The following DPP9 variants were observed in gnomAD, a reference collection of about 807,000 sequenced individuals.
The protein encoded by DPP9 is dipeptidyl peptidase IV-related protein-2.
A neutral mutation model predicts 110.7 loss-of-function variants in DPP9; 50 were observed. The observed-to-expected ratio is 0.45, with a 90% confidence interval of 0.36 to 0.57. The LOEUF is 0.57. DPP9 is among the 20% of genes least tolerant of loss of function. The pLI is 0.00. For missense variants in DPP9, 1,022 were observed against 1,217.9 expected, an observed-to-expected ratio of 0.84 and a Z score of 2.39; for synonymous variants, 561 against 514.4, an observed-to-expected ratio of 1.09 and a Z score of -1.23.
At chr19:4,713,373 A>G (rs1158696956) in intron 4 of DPP9, among the ~76,000 whole-genome samples, 1 of 152,228 alleles carries the variant, frequency 6.6e-6, no homozygotes. Flanking sequence ...TGGCTGCAGA[A>G]GCTGCTGGAG....
Position 4,722,518 on chromosome 19 carries a change from G to T in DPP9, c.-55C>A, listed in dbSNP as rs986063952. 2 of 703,110 alleles carry T rather than the reference G, an allele frequency of 2.8e-6. No individual in the cohort carries two copies. Among genetic ancestry groups the T allele is most frequent in the Non-Finnish European group, 5.2e-6 (2 of 385,012 alleles). The allele number at this position is 703,110 out of a possible 1,614,324, so 43.6% of individuals were successfully genotyped here. ...ACTGACCTTCTAAAGGGTCCAGAGA[G>T]CCTCCATTCCAGCTGCAGGCGTGGG... On this transcript the variant is annotated 5_prime_UTR_variant, in exon 2 of 22. Coordinates refer to ENST00000262960, the MANE Select transcript of DPP9 (RefSeq NM_139159.5).
At chr19:4,720,165 A>C (rs1352946453) in intron 2 of DPP9, among the ~76,000 whole-genome samples, 1 of 152,152 alleles carries the variant, frequency 6.6e-6, no homozygotes, top group Non-Finnish European at 1.5e-5. Context: ...TCTCAACAGG[A>C]GGTTCCTTTC....
intron 9 of DPP9, among the ~76,000 whole-genome samples, chr19:4,701,098 C>T (rs1399267826): frequency 2.0e-5 from 3 of 152,152 alleles, no homozygotes; most frequent in Non-Finnish European, 2.9e-5. Context: ...AAACCCAAGG[C>T]CTGAACGCGG....
chr19:4,685,308 G>C lies in DPP9; in HGVS notation c.2031+318C>G. The stretch of plus-strand genomic sequence containing the variant: ...CTTTTGACCCCTGCTCCAGGAATTG[G>C]GCCCAGGGCCCATGGCCACCTCCAT... On this transcript the variant is annotated intron_variant, in intron 17 of 21. Coordinates refer to ENST00000262960, the MANE Select transcript of DPP9 (RefSeq NM_139159.5). This position sits in a 1 kb window ranked among gnomAD's most constrained non-coding sequence, Gnocchi z 5.8. The C allele has an allele frequency of 1.8e-6, 1 of 571,078 alleles. No homozygotes were observed. The highest frequency in any genetic ancestry group is 3.3e-6 in the Non-Finnish European group (1 of 300,822). 35.4% of individuals were successfully genotyped at this position (571,078 alleles called of 1,614,324 possible).
At chr19:4,719,795 A>T in intron 3 of DPP9, 56 bp downstream of exon 3, 1 of 1,543,062 alleles carries the variant, frequency 6.5e-7, no homozygotes, top group Middle Eastern at 1.7e-4. Flanking sequence ...ACTGTTGGGG[A>T]ATTCCAGAAG....
In DPP9 at chr19:4,685,190, G is replaced by T. The variant is rs1333857716; in HGVS notation, c.2032-381C>A. ...ACTCGCAGTGGTGATGAACCACAAA[G>T]TACCCAGACATCGCCCCGTATCCTC... On this transcript the variant is annotated intron_variant, in intron 17 of 21. Coordinates refer to ENST00000262960, the MANE Select transcript of DPP9 (RefSeq NM_139159.5). This position sits in a 1 kb window ranked among gnomAD's most constrained non-coding sequence, Gnocchi z 5.8. 1.9e-6 allele frequency: 1 copy of T among 528,212 alleles called. No individual in the cohort carries two copies. The allele number at this position is 528,212 out of a possible 1,614,324, so 32.7% of individuals were successfully genotyped here.
chr19:4,697,395 T>G (rs1038125727), intron 11 of DPP9, among the ~76,000 whole-genome samples, 156 bp downstream of exon 11: 1 of 152,212 alleles, frequency 6.6e-6, no homozygotes, highest in African/African-American at 2.4e-5. Context: ...GAGGGCCCTT[T>G]GGACACTGGT....
intron 3 of DPP9, among the ~76,000 whole-genome samples, chr19:4,716,404 A>G (rs1366778497): frequency 9.2e-5 from 14 of 152,256 alleles, no homozygotes; most frequent in Non-Finnish European, 1.5e-4. Flanking sequence ...TCGGGAGGCC[A>G]AGGCAGGAGG....
chr19:4,694,531 C>T lies in DPP9; in HGVS notation c.1516+130G>A. On this transcript the variant is annotated intron_variant, in intron 13 of 21. Transcript: ENST00000262960. This position sits in a 1 kb window ranked among gnomAD's most constrained non-coding sequence, Gnocchi z 4.0. ...GCAGTCACTGGGGAAGGCTGGCTTC[C>T]TGCCGATCCCTGTTCCTTCTCCCGC... The T allele has an allele frequency of 1.6e-6, 2 of 1,223,532 alleles. No individual in the cohort carries two copies. 75.8% of individuals were successfully genotyped at this position (1,223,532 alleles called of 1,614,324 possible).
chr19:4,683,911 C>G lies in DPP9; in HGVS notation c.2179-282G>C, dbSNP rs1038999744. Reference sequence around the variant, plus strand: ...CCCATCCCTAATAAAGGGACATTAACAGGAAGAGGACCCATTTTCTAGAGG... The same window carrying G: ...CCCATCCCTAATAAAGGGACATTAAGAGGAAGAGGACCCATTTTCTAGAGG... On this transcript the variant is annotated intron_variant, in intron 18 of 21. Transcript: ENST00000262960. 4 of 1,190,070 alleles carry G rather than the reference C, an allele frequency of 3.4e-6. No individual in the cohort carries two copies. In the African/African-American group the frequency reaches 6.1e-5, roughly 18 times the overall value. 73.7% of individuals were successfully genotyped at this position (1,190,070 alleles called of 1,614,324 possible). A position where few individuals can be genotyped will look rare whatever the true frequency, so the allele number is the denominator to read the frequency against.
chr19:4,713,900 C>T (rs891842761), intron 4 of DPP9, among the ~76,000 whole-genome samples, 181 bp downstream of exon 4: 2 of 152,184 alleles, frequency 1.3e-5, no homozygotes, highest in East Asian at 1.9e-4. Context: ...CCACCCACCC[C>T]GCGGCAGCCC....
chr19:4,679,754 A>C, intron 21 of DPP9, 81 bp downstream of exon 21: 1 of 1,108,958 alleles, frequency 9.0e-7, no homozygotes, highest in Non-Finnish European at 1.3e-6. Context: ...CACAGTGGGA[A>C]GCCACCCCGC....
intron 7 of DPP9, among the ~76,000 whole-genome samples, chr19:4,703,625 C>T (rs1437252402): frequency 2.0e-5 from 3 of 150,776 alleles, no homozygotes; most frequent in South Asian, 2.1e-4. Context: ...CTCCCGCCTG[C>T]GCTCCCGCCT....
intron 21 of DPP9, chr19:4,679,564 C>T (rs1389699984): frequency 1.9e-5 from 9 of 472,954 alleles, no homozygotes; most frequent in Admixed American, 7.1e-5. Flanking sequence ...CTCCATTAGG[C>T]CCGGAGCAGG....
chr19:4,683,092 C>G, intron 19 of DPP9: 2 of 1,486,398 alleles, frequency 1.3e-6, no homozygotes, highest in Non-Finnish European at 1.8e-6. Context: ...GGTCCCACTG[C>G]CCGTCTGCCT....
chr19:4,714,633 C>A (rs917300925), intron 3 of DPP9, among the ~76,000 whole-genome samples: 1 of 152,150 alleles, frequency 6.6e-6, no homozygotes, highest in Non-Finnish European at 1.5e-5. Flanking sequence ...CACAAGCAAT[C>A]CTCCTGCGTC....
In DPP9 at chr19:4,694,575, G is replaced by A. The variant is rs569998300; in HGVS notation, c.1516+86C>T. On this transcript the variant is annotated intron_variant, in intron 13 of 21. Transcript: ENST00000262960. The surrounding 1 kb of genome is among the most constrained non-coding windows in gnomAD (Gnocchi z 4.0). ...CTCCCGCAGGGTGTGCTGGCTGAGTGGGGGGGCCGACCAATGAACAAACAG... is the reference window on the plus strand; with the variant it reads ...CTCCCGCAGGGTGTGCTGGCTGAGTAGGGGGGCCGACCAATGAACAAACAG... The A allele has an allele frequency of 4.1e-6, 6 of 1,462,698 alleles. No homozygotes were observed. The highest frequency in any genetic ancestry group is 2.5e-5 in the East Asian group (1 of 40,472). The allele number at this position is 1,462,698 out of a possible 1,614,324, so 90.6% of individuals were successfully genotyped here.
intron 9 of DPP9, 80 bp downstream of exon 9, chr19:4,701,947 G>C: frequency 6.5e-7 from 1 of 1,549,572 alleles, no homozygotes; most frequent in South Asian, 1.2e-5. Flanking sequence ...CAGAGGGCCT[G>C]GGGGACAGTG....
At chr19:4,678,101 TTTCTTTC>T (rs1317459714) in intron 21 of DPP9, among the ~76,000 whole-genome samples, 1 of 152,072 alleles carries the variant, frequency 6.6e-6, no homozygotes, top group African/African-American at 2.4e-5. Context: ...GCTTTTCTTT[TTTCTTTC>T]TTTTCTTTTT....
Sources: allele counts gnomAD v4.1 joint callset (sites outside exome capture counted in the v4.1 genomes callset), GRCh38; gene constraint gnomAD v4.1.1; non-coding constraint Gnocchi (gnomAD v3.1); transcripts MANE v1.5; gene names NCBI Gene and HGNC (gene_info 2026-07-23, HGNC 2026-07-21).